LRMDA: variants seen among roughly 807,000 people sequenced by gnomAD.
The protein encoded by LRMDA is leucine-rich melanocyte differentiation-associated protein.
A neutral mutation model predicts 29.8 loss-of-function variants in LRMDA; 18 were observed. The observed-to-expected ratio is 0.60, with a 90% CI of 0.42 to 0.90. LRMDA has a LOEUF of 0.90. Ranked by LOEUF, LRMDA falls within the 40% of genes least tolerant of loss-of-function variation. LRMDA has a pLI of 0.00. For missense variants in LRMDA, 273 were observed against 273.9 expected, an observed-to-expected ratio of 1.00 and a Z score of 0.02; for synonymous variants, 125 against 109.4, an observed-to-expected ratio of 1.14 and a Z score of -0.89.
chr10:75,585,320 T>C (rs78083693), intron 2 of LRMDA, among the ~76,000 whole-genome samples: 1 of 152,268 alleles, frequency 6.6e-6, no homozygotes, highest in Admixed American at 6.5e-5. Flanking sequence ...CATGTTAATG[T>C]AGCAATGGTT....
At chr10:76,275,939 T>G (rs149316434) in intron 5 of LRMDA, among the ~76,000 whole-genome samples, 7 of 152,256 alleles carry the variant, frequency 4.6e-5, no homozygotes, top group Non-Finnish European at 1.0e-4. Flanking sequence ...AATTTATTTT[T>G]ATGTATCTTC....
chr10:76,195,666 G>T (rs1045628563), intron 5 of LRMDA, among the ~76,000 whole-genome samples: 4 of 152,232 alleles, frequency 2.6e-5, no homozygotes, highest in East Asian at 3.9e-4. Flanking sequence ...TAAGATAAGG[G>T]TACTATTATA....
chr10:75,842,661 C>T (rs929278072), intron 2 of LRMDA, among the ~76,000 whole-genome samples: 4 of 152,126 alleles, frequency 2.6e-5, no homozygotes, highest in African/African-American at 9.7e-5. Flanking sequence ...GTTTTTCTTT[C>T]AGATGGGAGC....
intron 2 of LRMDA, among the ~76,000 whole-genome samples, chr10:76,018,882 A>G (rs1244872260): frequency 6.6e-6 from 1 of 152,160 alleles, no homozygotes; most frequent in Non-Finnish European, 1.5e-5. Context: ...GGAGACTCTT[A>G]AGACATAAAG....
intron 2 of LRMDA, among the ~76,000 whole-genome samples, chr10:75,988,850 C>A (rs956962759): frequency 1.3e-5 from 2 of 152,170 alleles, no homozygotes; most frequent in African/African-American, 4.8e-5. Context: ...TGCAGCTCCT[C>A]GGACCTATTG....
intron 2 of LRMDA, among the ~76,000 whole-genome samples, chr10:75,462,860 T>C (rs2132039169): frequency 6.6e-6 from 1 of 152,346 alleles, no homozygotes; most frequent in East Asian, 1.9e-4. Flanking sequence ...TTTTGAGATA[T>C]TGAAATTGTT....
At chr10:75,986,871 A>G (rs976178147) in intron 2 of LRMDA, among the ~76,000 whole-genome samples, 4 of 152,234 alleles carry the variant, frequency 2.6e-5, no homozygotes, top group African/African-American at 9.6e-5. Context: ...GTCTGGGAAG[A>G]CTGACTGAGA....
intron 2 of LRMDA, among the ~76,000 whole-genome samples, chr10:75,623,087 T>G (rs1841208060): frequency 2.0e-5 from 3 of 152,242 alleles, no homozygotes; most frequent in Admixed American, 2.0e-4. Flanking sequence ...TAATAAAACA[T>G]GCTGAAGCAC....
intron 6 of LRMDA, among the ~76,000 whole-genome samples, chr10:76,412,193 G>A (rs73292512): frequency 0.072 from 11,030 of 152,272 alleles, 514 homozygotes; most frequent in Middle Eastern, 0.14. Context: ...TGGAGGAATG[G>A]TTAAGAAAAG....
chr10:75,786,294 C>T (rs561082791), intron 2 of LRMDA, among the ~76,000 whole-genome samples: 58 of 152,280 alleles, frequency 3.8e-4, no homozygotes, highest in Middle Eastern at 3.4e-3. Context: ...AGGTGCTCCC[C>T]ATTGTCCAGG....
chr10:76,338,631 G>A (rs1443267576), intron 6 of LRMDA, among the ~76,000 whole-genome samples: 1 of 151,786 alleles, frequency 6.6e-6, no homozygotes, highest in Non-Finnish European at 1.5e-5. Flanking sequence ...GCAAGAGTTG[G>A]TACAAATGTA....
At chr10:76,451,710 T>G (rs897062186) in intron 6 of LRMDA, among the ~76,000 whole-genome samples, 16 of 141,734 alleles carry the variant, frequency 1.1e-4, no homozygotes, top group Non-Finnish European at 2.4e-4. Context: ...CTGGCTGGAG[T>G]GCAATGGTGT....
chr10:75,549,208 C>T lies in LRMDA; in HGVS notation c.131+110714C>T, dbSNP rs754993450. Among the ~76,000 whole-genome samples the T allele has an allele frequency of 3.9e-5, 6 of 152,058 alleles. No individual in the cohort carries two copies. In the East Asian group the frequency reaches 5.8e-4, roughly 15 times the overall value. On this transcript the variant is annotated intron_variant, in intron 2 of 6. Transcript: ENST00000611255. ...TGTGAATGTATCAGAATTCTTGACA[C>T]GTTCACCATTTGATGGCTGTTTGGA...
chr10:75,902,496 G>T (rs977628380), intron 2 of LRMDA, among the ~76,000 whole-genome samples: 1 of 150,160 alleles, frequency 6.7e-6, no homozygotes, highest in African/African-American at 2.5e-5. Context: ...CATATTCTTT[G>T]CTTTGGGGTA....
At chr10:76,021,161 A>T (rs1173151932) in intron 2 of LRMDA, among the ~76,000 whole-genome samples, 1 of 152,204 alleles carries the variant, frequency 6.6e-6, no homozygotes, top group Non-Finnish European at 1.5e-5. Context: ...AGTGGTAGAG[A>T]AAGTGTTCAA....
chr10:76,468,411 A>G (rs1364674375), intron 6 of LRMDA, among the ~76,000 whole-genome samples: 1 of 152,210 alleles, frequency 6.6e-6, no homozygotes, highest in East Asian at 1.9e-4. Flanking sequence ...CTTTTCATTA[A>G]TAATTGCTGA....
At chr10:76,258,134 C>A (rs1276073199) in intron 5 of LRMDA, among the ~76,000 whole-genome samples, 2 of 152,118 alleles carry the variant, frequency 1.3e-5, no homozygotes, top group Non-Finnish European at 2.9e-5. Context: ...GTTACATTGC[C>A]CAGGGAAGTA....
At chr10:76,410,551 C>T (rs998808065) in intron 6 of LRMDA, among the ~76,000 whole-genome samples, 1 of 151,972 alleles carries the variant, frequency 6.6e-6, no homozygotes, top group Non-Finnish European at 1.5e-5. Context: ...TTAAGCAATC[C>T]TCCTGCCTTG....
At chr10:76,184,545 A>T (rs1284972371) in intron 5 of LRMDA, among the ~76,000 whole-genome samples, 1 of 152,244 alleles carries the variant, frequency 6.6e-6, no homozygotes, top group Non-Finnish European at 1.5e-5. Context: ...AAGTATTTTC[A>T]AAGTCTGCAA....
Sources: allele counts gnomAD v4.1 joint callset (sites outside exome capture counted in the v4.1 genomes callset), GRCh38; gene constraint gnomAD v4.1.1; transcripts MANE v1.5; gene names NCBI Gene and HGNC (gene_info 2026-07-23, HGNC 2026-07-21).